PTCHD1: variants seen among roughly 807,000 people sequenced by gnomAD.
PTCHD1 encodes patched domain-containing protein 1.
A neutral mutation model predicts 34.6 loss-of-function variants in PTCHD1; 3 were observed. That is an observed-to-expected ratio of 0.09 (90% confidence interval 0.04 to 0.22). PTCHD1 has a LOEUF of 0.22. Ranked by LOEUF, PTCHD1 falls within the 10% of genes least tolerant of loss-of-function variation. The pLI is 1.00. For missense variants in PTCHD1, 504 were observed against 685.5 expected (o/e 0.74, Z 2.96); for synonymous variants, 305 against 283.1 (o/e 1.08, Z -0.77).
chrX:23,338,683 C>T (rs1412608810), intron 1 of PTCHD1, among the ~76,000 whole-genome samples: 1 of 112,107 alleles, frequency 8.9e-6, no homozygotes, highest in East Asian at 2.8e-4. Context: ...AAGGCTAGAA[C>T]CAGGACTGGA....
At chrX:23,360,836 C>G (rs1441791232) in intron 1 of PTCHD1, among the ~76,000 whole-genome samples, 4 of 112,300 alleles carry the variant, frequency 3.6e-5, no homozygotes, top group African/African-American at 1.3e-4. Flanking sequence ...CCCAGACATT[C>G]TGGTTTGTTG....
rs1491201668 is a variant in PTCHD1, at chrX:23,394,451, C to CACACACACACACACACACACACA, written c.*266_*267insACACACACACACACACACACACA. On this transcript the variant is annotated 3_prime_UTR_variant, in exon 3 of 3. Coordinates refer to ENST00000379361, the MANE Select transcript of PTCHD1 (RefSeq NM_173495.3). Reference sequence around the variant, plus strand: ...ACACACACACACACACACACACACACCCTGGGAGACCTATAGTCTCTTAAA... The same window carrying CACACACACACACACACACACACA: ...ACACACACACACACACACACACACACACACACACACACACACACACACACCTGGGAGACCTATAGTCTCTTAAA... 1.3e-5 allele frequency: 4 copies of CACACACACACACACACACACACA among 297,157 alleles called. No individual in the cohort carries two copies. The highest frequency in any genetic ancestry group is 2.3e-5 in the Non-Finnish European group (4 of 174,035). 24.5% of individuals were successfully genotyped at this position (297,157 alleles called of 1,213,427 possible).
At chrX:23,371,279 A>G (rs1052506997) in intron 1 of PTCHD1, among the ~76,000 whole-genome samples, 4 of 111,856 alleles carry the variant, frequency 3.6e-5, no homozygotes, top group African/African-American at 1.3e-4. Flanking sequence ...GGAGTCAAGC[A>G]CTTCATGAGA....
intron 1 of PTCHD1, 23 bp downstream of exon 1, chrX:23,335,249 A>G: frequency 8.7e-7 from 1 of 1,151,638 alleles, no homozygotes; most frequent in Non-Finnish European, 1.2e-6. Flanking sequence ...GGGTGCGGGC[A>G]GACTCCGCCA....
intron 1 of PTCHD1, among the ~76,000 whole-genome samples, chrX:23,350,060 TAAAAAAAA>T (rs57194123): frequency 1.2e-4 from 5 of 40,409 alleles, no homozygotes; most frequent in Admixed American, 3.8e-4. Flanking sequence ...TTAGTGCTGT[TAAAAAAAA>T]AAAAAAAAAA....
At chrX:23,355,968 A>G (rs1015833202) in intron 1 of PTCHD1, among the ~76,000 whole-genome samples, 8 of 112,531 alleles carry the variant, frequency 7.1e-5, no homozygotes, top group Admixed American at 6.6e-4. Flanking sequence ...ACATAAAAGT[A>G]TATATACTTA....
At position 23,379,761 on chromosome X, in the gene PTCHD1, A is replaced by T; in HGVS notation, c.522A>T (p.Thr174=). The T allele has an allele frequency of 8.3e-7, 1 of 1,211,557 alleles. No individual in the cohort carries two copies. The highest frequency in any genetic ancestry group is 1.8e-5 in the South Asian group (1 of 56,961). The change falls in exon 2 of 3, where the codon ACA becomes ACT. Residue 174 remains threonine, a synonymous_variant. Transcript: ENST00000379361. The stretch of plus-strand genomic sequence containing the variant: ...CCAATCGGACCAATTTTGCTATCAC[A>T]TACCCAATCACTCACTTAAAGGACG... ...RATNRTNFAI[T]YPITHLKDGR...
rs375988064 is a variant in PTCHD1, at chrX:23,393,389, C to T, written c.1871C>T (p.Ser624Leu). ...RNSFLKAPQFSHFQEDIIFSK... is the reference protein window; with the variant it reads ...RNSFLKAPQFLHFQEDIIFSK... The stretch of plus-strand genomic sequence containing the variant: ...TCCTTTCTGAAAGCCCCTCAATTTT[C>T]ACATTTTCAAGAGGACATCATCTTC... The change falls in exon 3 of 3, where the codon TCA (serine) becomes TTA (leucine). Residue 624 changes from serine (S) to leucine (L), a missense_variant. By Grantham distance (145) the Ser-to-Leu change is moderately radical. Transcript: ENST00000379361. 11 of 1,209,121 alleles carry T rather than the reference C, an allele frequency of 9.1e-6. No homozygotes were observed. The highest frequency in any genetic ancestry group is 1.1e-5 in the Non-Finnish European group (10 of 894,290).
rs748957859 is a variant in PTCHD1, at chrX:23,377,575, GGTGTGTGTGT to G, written c.352-1981_352-1972del. 8.8e-3 allele frequency among the ~76,000 whole-genome samples: 796 copies of G among 90,505 alleles called. 3 individuals are homozygous for G. Among genetic ancestry groups the G allele is most frequent in the African/African-American group, 0.029 (695 of 24,082 alleles). 78.6% of individuals were successfully genotyped at this position (90,505 alleles called of 115,157 possible). ...TAGGCTGTGAAAATAGCCTCCTAGGGGTGTGTGTGTGTGTGTGTGTGTGTGTGTGTGTGTG... is the reference window on the plus strand; with the variant it reads ...TAGGCTGTGAAAATAGCCTCCTAGGGGTGTGTGTGTGTGTGTGTGTGTGTG... On this transcript the variant is annotated intron_variant, in intron 1 of 2. Coordinates refer to ENST00000379361, the MANE Select transcript of PTCHD1 (RefSeq NM_173495.3).
intron 1 of PTCHD1, among the ~76,000 whole-genome samples, chrX:23,353,186 C>A (rs1921691159): frequency 1.8e-5 from 2 of 112,542 alleles, no homozygotes; most frequent in Non-Finnish European, 3.8e-5. Flanking sequence ...TGTGGTTTTG[C>A]TAATTTACTA....
intron 1 of PTCHD1, among the ~76,000 whole-genome samples, chrX:23,342,281 TATATATATATATATATATATATATATATA>T (rs1191456533): frequency 0.22 from 1,604 of 7,223 alleles, 49 homozygotes; most frequent in African/African-American, 0.53. Flanking sequence ...TATATATATA[TATATATATATATATATATATATATATATA>T]TTTTTTTTTT....
chrX:23,401,813 G>A lies in PTCHD1; in HGVS notation c.*7628G>A, dbSNP rs779613807. On this transcript the variant is annotated 3_prime_UTR_variant, in exon 3 of 3. Coordinates refer to ENST00000379361, the MANE Select transcript of PTCHD1 (RefSeq NM_173495.3). ...CCTTCTATATGTTTCTTATGCACGAGCACAGCTAAGAGCAGCCAAATAGTA... is the reference window on the plus strand; with the variant it reads ...CCTTCTATATGTTTCTTATGCACGAACACAGCTAAGAGCAGCCAAATAGTA... 8 of 112,710 alleles carry A rather than the reference G, an allele frequency of 7.1e-5. No homozygotes were observed. The East Asian group carries it at 2.2e-3, about 31-fold the overall frequency. 9.3% of individuals were successfully genotyped at this position (112,710 alleles called of 1,213,427 possible).
At chrX:23,383,289 T>A (rs1922608099) in intron 2 of PTCHD1, among the ~76,000 whole-genome samples, 1 of 112,200 alleles carries the variant, frequency 8.9e-6, no homozygotes. Flanking sequence ...GTCTCAAACA[T>A]GGACATTTCC....
chrX:23,355,738 A>T (rs1921785962), intron 1 of PTCHD1, among the ~76,000 whole-genome samples: 1 of 112,505 alleles, frequency 8.9e-6, no homozygotes, highest in Non-Finnish European at 1.9e-5. Flanking sequence ...GTTTAAATTG[A>T]GTCTGGTAAA....
rs1691039241 is a variant in PTCHD1 at position 23,403,732 on chromosome X, G to GA, written c.*9549dup. The GA allele has an allele frequency of 9.0e-6, 1 of 111,351 alleles. No homozygotes were observed. The highest frequency in any genetic ancestry group is 1.9e-5 in the Non-Finnish European group (1 of 53,076). 9.2% of individuals were successfully genotyped at this position (111,351 alleles called of 1,213,427 possible). ...GGATATAAACAGAAATGTTTTATCT[G>GA]AAGAGGCTGTGTATGCCACCCCAGA... is the stretch of plus-strand genomic sequence containing the variant. On this transcript the variant is annotated 3_prime_UTR_variant, in exon 3 of 3. Transcript: ENST00000379361.
intron 2 of PTCHD1, among the ~76,000 whole-genome samples, chrX:23,381,177 C>T (rs1922555662): frequency 8.9e-6 from 1 of 112,325 alleles, no homozygotes; most frequent in South Asian, 3.7e-4. Flanking sequence ...TAAAGCGATG[C>T]TGATGGTGAC....
chrX:23,384,736 A>G (rs1922644505), intron 2 of PTCHD1, among the ~76,000 whole-genome samples: 1 of 112,227 alleles, frequency 8.9e-6, no homozygotes, highest in Non-Finnish European at 1.9e-5. Flanking sequence ...ATTCTGATAC[A>G]TTTCAAAAGT....
At position 23,404,011 on chromosome X, in the gene PTCHD1, C is replaced by G. The variant is rs1455525033; in HGVS notation, c.*9826C>G. On this transcript the variant is annotated 3_prime_UTR_variant, in exon 3 of 3. Coordinates refer to ENST00000379361, the MANE Select transcript of PTCHD1 (RefSeq NM_173495.3). ...GGAAAACCATCCCACTGATGATTGG[C>G]AATTCCACCGTTCCTCTCCATCTGA... 2 of 112,106 alleles carry G rather than the reference C, an allele frequency of 1.8e-5. No homozygotes were observed. The highest frequency in any genetic ancestry group is 6.5e-5 in the African/African-American group (2 of 30,803). 9.2% of individuals were successfully genotyped at this position (112,106 alleles called of 1,213,427 possible). A position where few individuals can be genotyped will look rare whatever the true frequency, so the allele number is the denominator to read the frequency against.
rs767005367 is a variant in PTCHD1 at position 23,335,019 on chromosome X, C to A, written c.144C>A (p.Val48=). 1 of 1,211,195 alleles carries A rather than the reference C, an allele frequency of 8.3e-7. No individual in the cohort carries two copies. The highest frequency in any genetic ancestry group is 3.0e-5 in the East Asian group (1 of 33,798). ...GCGCCAGCTTCAGCCGCTACCAGGTCGAGGAGAGCGTGGAGCACCTGCTGG... is the reference window on the plus strand; with the variant it reads ...GCGCCAGCTTCAGCCGCTACCAGGTAGAGGAGAGCGTGGAGCACCTGCTGG... ...LLGASFSRYQ[V]EESVEHLLAP... The change falls in exon 1 of 3, where the codon GTC becomes GTA. Residue 48 remains valine, a synonymous_variant. Coordinates refer to ENST00000379361, the MANE Select transcript of PTCHD1 (RefSeq NM_173495.3).
Sources: allele counts gnomAD v4.1 joint callset (sites outside exome capture counted in the v4.1 genomes callset), GRCh38; gene constraint gnomAD v4.1.1; transcripts MANE v1.5; gene names NCBI Gene and HGNC (gene_info 2026-07-23, HGNC 2026-07-21).